The following AFAP1 variants were observed in gnomAD, a reference collection of about 807,000 sequenced individuals.
AFAP1 encodes the protein actin filament associated protein 1.
AFAP1 carries 75 observed loss-of-function variants against 93.9 expected under a neutral mutation model. The observed-to-expected ratio is 0.80, with a 90% CI of 0.66 to 0.97. The LOEUF is 0.97. Ranked by LOEUF, AFAP1 falls within the 50% of genes least tolerant of loss-of-function variation. The probability of loss-of-function intolerance (pLI) is 0.00; values close to 1 mark genes in which losing one functional copy is unlikely to be tolerated. For missense variants in AFAP1, 1,201 were observed against 1,050.8 expected, an observed-to-expected ratio of 1.14 and a Z score of -1.98; for synonymous variants, 517 against 430.7, an observed-to-expected ratio of 1.20 and a Z score of -2.48.
At chr4:7,872,613 G>A (rs1717144342) in intron 1 of AFAP1, among the ~76,000 whole-genome samples, 1 of 152,148 alleles carries the variant, frequency 6.6e-6, no homozygotes, top group Non-Finnish European at 1.5e-5. Context: ...TTCCCACCAT[G>A]CCTTTTCCTT....
At chr4:7,779,496 C>G (rs543707475) in intron 13 of AFAP1, among the ~76,000 whole-genome samples, 34 of 152,308 alleles carry the variant, frequency 2.2e-4, no homozygotes, top group African/African-American at 6.5e-4. Context: ...CAGGCCAACA[C>G]GTTTTGCATT....
In AFAP1 at chr4:7,809,753, C is replaced by T. The variant is rs776947712; in HGVS notation, c.915G>A (p.Lys305=). The part of the protein sequence containing the change: ...TCNGKEQVKR[K]KSSKSEAKGT... ...CCTTGGCCTCTGATTTGGAACTTTT[C>T]TTCCTCTTCACTGTCAAGAGTAACA... The change falls in exon 9 of 18, where the codon AAG becomes AAA. Residue 305 remains lysine, a synonymous_variant. Transcript: ENST00000420658. The T allele has an allele frequency of 5.0e-6, 8 of 1,613,348 alleles. No individual in the cohort carries two copies. The highest frequency in any genetic ancestry group is 5.9e-6 in the Non-Finnish European group (7 of 1,179,778).
At chr4:7,925,676 T>C (rs1014735880) in intron 1 of AFAP1, among the ~76,000 whole-genome samples, 1 of 152,092 alleles carries the variant, frequency 6.6e-6, no homozygotes, top group Non-Finnish European at 1.5e-5. Context: ...GAAAACTCCG[T>C]CCCTACTAAA....
intron 1 of AFAP1, among the ~76,000 whole-genome samples, chr4:7,885,631 T>C (rs1337720658): frequency 6.6e-6 from 1 of 152,182 alleles, no homozygotes; most frequent in Non-Finnish European, 1.5e-5. Context: ...TGACACTCAG[T>C]ATATGTTTGT....
At chr4:7,881,780 CA>C (rs35520560) in intron 1 of AFAP1, among the ~76,000 whole-genome samples, 67 of 140,372 alleles carry the variant, frequency 4.8e-4, no homozygotes, top group Middle Eastern at 3.6e-3. Context: ...GACTCCATCT[CA>C]AAAAAAAAAA....
intron 1 of AFAP1, among the ~76,000 whole-genome samples, chr4:7,918,643 T>A (rs376430406): frequency 2.7e-3 from 204 of 74,776 alleles, no homozygotes; most frequent in Middle Eastern, 0.014. Flanking sequence ...GGCTGCCGGA[T>A]GAGACACTCG....
chr4:7,935,911 C>G (rs1721351715), intron 1 of AFAP1, among the ~76,000 whole-genome samples: 1 of 152,128 alleles, frequency 6.6e-6, no homozygotes, highest in Non-Finnish European at 1.5e-5. Flanking sequence ...ATGAAAAACA[C>G]CTCGACACAG....
chr4:7,784,882 T>C (rs1717121858), intron 12 of AFAP1, among the ~76,000 whole-genome samples: 2 of 152,188 alleles, frequency 1.3e-5, no homozygotes, highest in Admixed American at 6.5e-5. Flanking sequence ...CCAGGGCTGA[T>C]TGAGGACATT....
At chr4:7,835,954 C>T (rs559498427) in intron 6 of AFAP1, among the ~76,000 whole-genome samples, 1 of 152,082 alleles carries the variant, frequency 6.6e-6, no homozygotes, top group African/African-American at 2.4e-5. Context: ...AGCGCTAACA[C>T]CCCCAAGTGT....
intron 6 of AFAP1, among the ~76,000 whole-genome samples, chr4:7,825,142 T>C (rs937403096): frequency 5.5e-4 from 84 of 152,384 alleles, no homozygotes; most frequent in African/African-American, 1.9e-3. Flanking sequence ...GATTTCATTC[T>C]ACCCCTTTGA....
intron 8 of AFAP1, among the ~76,000 whole-genome samples, chr4:7,814,686 C>T (rs1482897169): frequency 6.6e-6 from 1 of 152,186 alleles, no homozygotes; most frequent in African/African-American, 2.4e-5. Context: ...AACCGAGATG[C>T]TTCCACGTTA....
chr4:7,828,345 T>C (rs753179477), intron 6 of AFAP1, among the ~76,000 whole-genome samples: 1 of 152,218 alleles, frequency 6.6e-6, no homozygotes, highest in Non-Finnish European at 1.5e-5. Flanking sequence ...TTTTCAAAAC[T>C]GCTTAAGATG....
At chr4:7,910,872 G>C (rs1719685737) in intron 1 of AFAP1, among the ~76,000 whole-genome samples, 1 of 152,156 alleles carries the variant, frequency 6.6e-6, no homozygotes, top group Admixed American at 6.5e-5. Context: ...CTGCGGTGAG[G>C]GCGTGCTTGA....
Position 7,939,663 on chromosome 4 carries a change from C to G in AFAP1, c.-10G>C. On this transcript the variant is annotated 5_prime_UTR_variant, in exon 1 of 18. Coordinates refer to ENST00000420658, the MANE Select transcript of AFAP1 (RefSeq NM_001134647.2). This position sits in a 1 kb window ranked among gnomAD's most constrained non-coding sequence, Gnocchi z 5.6. The stretch of plus-strand genomic sequence containing the variant: ...CCAGTCGCGCCGTCTCACCTCAGGC[C>G]GCCACCTCGCAGCGCTCGCTCCTCG... 1 of 419,070 alleles carries G rather than the reference C, an allele frequency of 2.4e-6. No homozygotes were observed. Among genetic ancestry groups the G allele is most frequent in the South Asian group, 1.6e-5 (1 of 61,170 alleles). The allele number at this position is 419,070 out of a possible 1,614,324, so 26.0% of individuals were successfully genotyped here.
chr4:7,806,362 C>T (rs1048175000), intron 9 of AFAP1, among the ~76,000 whole-genome samples: 4 of 151,970 alleles, frequency 2.6e-5, no homozygotes, highest in Non-Finnish European at 5.9e-5. Flanking sequence ...CCCTCCCCTG[C>T]CCCCACAAAC....
intron 6 of AFAP1, among the ~76,000 whole-genome samples, chr4:7,834,004 T>C (rs922332100): frequency 2.6e-5 from 4 of 151,296 alleles, no homozygotes; most frequent in African/African-American, 9.8e-5. Context: ...TGCACACACA[T>C]GTTTATAACA....
At chr4:7,863,663 G>A (rs1283400635) in intron 3 of AFAP1, among the ~76,000 whole-genome samples, 2 of 152,098 alleles carry the variant, frequency 1.3e-5, no homozygotes, top group African/African-American at 4.8e-5. Context: ...CATTAGCCAG[G>A]TGGAAAGACG....
intron 1 of AFAP1, among the ~76,000 whole-genome samples, chr4:7,921,660 T>C (rs28496168): frequency 0.017 from 2,566 of 152,336 alleles, 71 homozygotes; most frequent in African/African-American, 0.059. Flanking sequence ...CCTTGGATCC[T>C]ACAATTCCAT....
intron 6 of AFAP1, among the ~76,000 whole-genome samples, chr4:7,819,413 C>T (rs560838048): frequency 6.6e-6 from 1 of 152,328 alleles, no homozygotes; most frequent in African/African-American, 2.4e-5. Flanking sequence ...ACGTTTCCTG[C>T]TGGCATGGAG....
Sources: allele counts gnomAD v4.1 joint callset (sites outside exome capture counted in the v4.1 genomes callset), GRCh38; gene constraint gnomAD v4.1.1; non-coding constraint Gnocchi (gnomAD v3.1); transcripts MANE v1.5; gene names NCBI Gene and HGNC (gene_info 2026-07-23, HGNC 2026-07-21).